Variants in RRAGC observed in about 807,000 individuals in gnomAD.
The protein encoded by RRAGC is Ras related GTP binding C.
In RRAGC, 8 loss-of-function variants were observed where a neutral mutation model predicts 37.1. The observed-to-expected ratio is 0.22, with a 90% CI of 0.13 to 0.39. The LOEUF (loss-of-function observed/expected upper bound fraction) is 0.39. Among genes scored for constraint, RRAGC ranks in the 10% least tolerant of loss-of-function variants. The probability of loss-of-function intolerance (pLI) is 1.00; values close to 1 mark genes in which losing one functional copy is unlikely to be tolerated. For synonymous variants in RRAGC, 190 were observed against 181.1 expected, an observed-to-expected ratio of 1.05 and a Z score of -0.39; for missense variants, 342 against 497.6, an observed-to-expected ratio of 0.69 and a Z score of 2.98.
chr1:38,843,911 T>C (rs1641996683), intron 6 of RRAGC, among the ~76,000 whole-genome samples: 1 of 152,184 alleles, frequency 6.6e-6, no homozygotes, highest in Admixed American at 6.5e-5. Flanking sequence ...AGTAAGAGAC[T>C]ACTGCAGCAC....
rs1174839427 is a variant in RRAGC at position 38,855,933 on chromosome 1, T to G, written c.442-26A>C. The G allele has an allele frequency of 1.9e-6, 3 of 1,566,690 alleles. No homozygotes were observed. In the Admixed American group the frequency reaches 5.2e-5, roughly 27 times the overall value. ...CTGTAAGTCAGAACAAAATATTTTT[T>G]AAAATAAATCTTACAAAAGCCAAGT... On this transcript the variant is annotated intron_variant, in intron 2 of 6. Coordinates refer to ENST00000373001, the MANE Select transcript of RRAGC (RefSeq NM_022157.4).
At chr1:38,843,526 C>T (rs571048059) in intron 6 of RRAGC, among the ~76,000 whole-genome samples, 4 of 152,058 alleles carry the variant, frequency 2.6e-5, no homozygotes, top group Non-Finnish European at 5.9e-5. Context: ...TGAGACCATC[C>T]TGGCTAACGC....
At chr1:38,855,665 A>G in intron 3 of RRAGC, 43 bp downstream of exon 3, 2 of 1,475,926 alleles carry the variant, frequency 1.4e-6, no homozygotes, top group Non-Finnish European at 1.9e-6. Flanking sequence ...GAATACATTT[A>G]CACCTTGTTC....
Position 38,859,411 on chromosome 1 carries a change from T to C in RRAGC, c.236A>G (p.Lys79Arg). Residue 79 changes from lysine to arginine, a missense_variant and splice_region_variant, in exon 1 of 7, where the codon AAG (lysine) becomes AGG (arginine). Coordinates refer to ENST00000373001, the MANE Select transcript of RRAGC (RefSeq NM_022157.4). The stretch of plus-strand genomic sequence containing the variant: ...GGGACTGGGCGCAGCCCTGCTCACC[T>C]TCTGGATGGAGGACTTGCCGCTGCG... ...LRRSGKSSIQ[K>R]VVFHKMSPNE... The C allele has an allele frequency of 6.5e-7, 1 of 1,547,934 alleles. No individual in the cohort carries two copies. The highest frequency in any genetic ancestry group is 8.7e-7 in the Non-Finnish European group (1 of 1,146,326).
intron 5 of RRAGC, among the ~76,000 whole-genome samples, chr1:38,849,147 T>A (rs1642064830): frequency 6.6e-6 from 1 of 150,434 alleles, no homozygotes; most frequent in Admixed American, 6.6e-5. Flanking sequence ...TGGTGTGGTG[T>A]GCGGCTGTAG....
At position 38,844,970 on chromosome 1, in the gene RRAGC, A is replaced by G. The variant is rs933020726; in HGVS notation, c.1048+969T>C. ...GGATGGCGATTATTAAAAAGTCAGG[A>G]AACAACAGATGCTGGAGAGGATGTG... On this transcript the variant is annotated intron_variant, in intron 6 of 6. Coordinates refer to ENST00000373001, the MANE Select transcript of RRAGC (RefSeq NM_022157.4). 4.6e-5 allele frequency among the ~76,000 whole-genome samples: 7 copies of G among 152,328 alleles called. No homozygotes were observed. In the East Asian group the frequency reaches 9.6e-4, roughly 21 times the overall value.
intron 5 of RRAGC, chr1:38,847,023 T>G (rs111998846): frequency 2.6e-5 from 4 of 151,984 alleles, no homozygotes; most frequent in African/African-American, 9.7e-5. Context: ...GGCAGGAGAA[T>G]CGCTTGAACC....
Position 38,849,959 on chromosome 1 carries a change from C to T in RRAGC, c.899+1656G>A, listed in dbSNP as rs187034578. 6.2e-3 allele frequency among the ~76,000 whole-genome samples: 941 copies of T among 152,078 alleles called. 11 individuals carry two copies. The highest frequency in any genetic ancestry group is 0.02 in the Middle Eastern group (6 of 294). ...TGGTGGCTCATGCCTGTAATCCCAG[C>T]GCTTTGGGAGGCCACGGCGGGTGGA... On this transcript the variant is annotated intron_variant, in intron 5 of 6. Coordinates refer to ENST00000373001, the MANE Select transcript of RRAGC (RefSeq NM_022157.4).
At chr1:38,840,742 G>C (rs955146735) in intron 6 of RRAGC, among the ~76,000 whole-genome samples, 10 of 152,214 alleles carry the variant, frequency 6.6e-5, no homozygotes, top group Admixed American at 2.0e-4. Flanking sequence ...TCTGACTGGA[G>C]AGTGGGACAT....
intron 5 of RRAGC, chr1:38,846,955 T>A (rs1301167231): frequency 2.6e-5 from 4 of 151,440 alleles, no homozygotes; most frequent in African/African-American, 7.3e-5. Flanking sequence ...AAATAAAAAA[T>A]AAAAAGTAGC....
intron 5 of RRAGC, among the ~76,000 whole-genome samples, chr1:38,849,370 T>C (rs1298354786): frequency 2.0e-5 from 3 of 152,202 alleles, no homozygotes; most frequent in Non-Finnish European, 2.9e-5. Flanking sequence ...GCTAATATAA[T>C]GTACTTTATT....
chr1:38,852,342 T>A (rs778086022), intron 4 of RRAGC, 32 bp downstream of exon 4: 4 of 1,086,620 alleles, frequency 3.7e-6, no homozygotes, highest in Non-Finnish European at 5.7e-6. Flanking sequence ...AATCAGAAGC[T>A]GCAGTGAATT....
At chr1:38,851,494 A>T in intron 5 of RRAGC, 121 bp downstream of exon 5, 1 of 851,872 alleles carries the variant, frequency 1.2e-6, no homozygotes, top group Non-Finnish European at 1.7e-6. Flanking sequence ...CACTATGGTC[A>T]GAACAATCCC....
rs2124209108 is a variant in RRAGC, at chr1:38,838,315, C to G, written c.*1238G>C. ...CCATGGTCCATGTAAATACTCAAGT[C>G]AGAATCACCTGCAGGAAGCACTCCA... is the stretch of plus-strand genomic sequence containing the variant. On this transcript the variant is annotated 3_prime_UTR_variant, in exon 7 of 7. Coordinates refer to ENST00000373001, the MANE Select transcript of RRAGC (RefSeq NM_022157.4). 1 of 152,286 alleles carries G rather than the reference C, an allele frequency of 6.6e-6. No homozygotes were observed. The highest frequency in any genetic ancestry group is 2.4e-5 in the African/African-American group (1 of 41,544). 9.4% of individuals were successfully genotyped at this position (152,286 alleles called of 1,614,324 possible). A position where few individuals can be genotyped will look rare whatever the true frequency, so the allele number is the denominator to read the frequency against.
intron 6 of RRAGC, among the ~76,000 whole-genome samples, chr1:38,843,447 G>A (rs1284733338): frequency 2.6e-5 from 4 of 152,214 alleles, no homozygotes; most frequent in Middle Eastern, 3.4e-3. Flanking sequence ...CAGGCCGGGC[G>A]CAGTGGCTCA....
intron 6 of RRAGC, among the ~76,000 whole-genome samples, chr1:38,840,806 A>G (rs1641954369): frequency 1.3e-5 from 2 of 152,244 alleles, no homozygotes; most frequent in African/African-American, 4.8e-5. Context: ...AGTAGGTTAC[A>G]GCCAAATTAA....
chr1:38,857,177 C>T (rs1642177837), intron 1 of RRAGC, 95 bp from the exon 2 acceptor site: 1 of 1,018,570 alleles, frequency 9.8e-7, no homozygotes. Flanking sequence ...TTTGATCCCA[C>T]AAAAAAAAAT....
chr1:38,859,654 G>A lies in RRAGC; in HGVS notation c.-8C>T. On this transcript the variant is annotated 5_prime_UTR_variant, in exon 1 of 7. Transcript: ENST00000373001. ...CCCGTACTGCAGGGACATGGTGCTG[G>A]AGCCGCCGCCGCCCGCGCCCTGACA... is the stretch of plus-strand genomic sequence containing the variant. The A allele has an allele frequency of 6.5e-7, 1 of 1,538,806 alleles. No individual in the cohort carries two copies.
intron 5 of RRAGC, among the ~76,000 whole-genome samples, chr1:38,851,181 A>G (rs1351011770): frequency 6.6e-6 from 1 of 152,218 alleles, no homozygotes; most frequent in African/African-American, 2.4e-5. Context: ...CCAAAATTCT[A>G]ATTACTTTCT....
Sources: allele counts gnomAD v4.1 joint callset (sites outside exome capture counted in the v4.1 genomes callset), GRCh38; gene constraint gnomAD v4.1.1; transcripts MANE v1.5; gene names NCBI Gene and HGNC (gene_info 2026-07-23, HGNC 2026-07-21).